Variants in KPNA3 observed in about 807,000 individuals in gnomAD.
KPNA3 encodes karyopherin subunit alpha 3.
A neutral mutation model predicts 73.8 loss-of-function variants in KPNA3; 13 were observed. The ratio of observed to expected loss-of-function variants is 0.18; its 90% CI spans 0.11 to 0.28. The LOEUF (loss-of-function observed/expected upper bound fraction) is 0.28. KPNA3 is among the 10% of genes least tolerant of loss of function. The pLI is 1.00. For missense variants in KPNA3, 360 were observed against 618.1 expected (o/e 0.58, Z 4.43); for synonymous variants, 186 against 206.9 (o/e 0.90, Z 0.87).
Position 49,786,219 on chromosome 13 carries a change from T to C in KPNA3, c.69+6219A>G, listed in dbSNP as rs146978665. Among the ~76,000 whole-genome samples, 90 of 152,320 alleles carry C rather than the reference T, an allele frequency of 5.9e-4. 1 individual carries two copies. The highest frequency in any genetic ancestry group is 1.9e-3 in the African/African-American group (77 of 41,574). On this transcript the variant is annotated intron_variant, in intron 1 of 16. Transcript: ENST00000261667. ...ATACTGAACCTTTCATTCCCAAATGTAGACTTTTTTCAGGTATATCATCTA... is the reference window on the plus strand; with the variant it reads ...ATACTGAACCTTTCATTCCCAAATGCAGACTTTTTTCAGGTATATCATCTA...
At chr13:49,719,932 G>T in intron 9 of KPNA3, 113 bp from the exon 10 acceptor site, 1 of 662,212 alleles carries the variant, frequency 1.5e-6, no homozygotes, top group Non-Finnish European at 2.6e-6. Flanking sequence ...GAAAGACAAT[G>T]TTAAATTTGT....
intron 2 of KPNA3, among the ~76,000 whole-genome samples, chr13:49,743,730 T>G (rs1954593354): frequency 6.6e-6 from 1 of 152,002 alleles, no homozygotes; most frequent in Admixed American, 6.6e-5. Context: ...ATATATAAAT[T>G]AGTAGCTTAG....
intron 6 of KPNA3, among the ~76,000 whole-genome samples, chr13:49,728,183 T>G (rs1171894895): frequency 6.8e-6 from 1 of 147,584 alleles, no homozygotes; most frequent in Non-Finnish European, 1.5e-5. Flanking sequence ...TGCAGTGAGC[T>G]GATATCGTGC....
chr13:49,705,151 G>A (rs980882360), intron 15 of KPNA3, among the ~76,000 whole-genome samples: 4 of 152,078 alleles, frequency 2.6e-5, no homozygotes, highest in Non-Finnish European at 4.4e-5. Flanking sequence ...TTGAGGTCAG[G>A]AGTTCGAGAC....
At chr13:49,731,714 T>G (rs1025204974) in intron 6 of KPNA3, among the ~76,000 whole-genome samples, 1 of 152,182 alleles carries the variant, frequency 6.6e-6, no homozygotes, top group African/African-American at 2.4e-5. Flanking sequence ...ACTTATATTC[T>G]CCCCAGTTAA....
intron 1 of KPNA3, among the ~76,000 whole-genome samples, chr13:49,755,964 T>C (rs1000025938): frequency 4.0e-5 from 6 of 151,658 alleles, no homozygotes; most frequent in East Asian, 2.0e-4. Flanking sequence ...ACATAGACAC[T>C]GAAATTAAAA....
At chr13:49,786,083 G>A (rs944450100) in intron 1 of KPNA3, among the ~76,000 whole-genome samples, 4 of 152,158 alleles carry the variant, frequency 2.6e-5, no homozygotes, top group African/African-American at 9.7e-5. Flanking sequence ...AAGTATGAGC[G>A]AGTTCATGTT....
intron 1 of KPNA3, among the ~76,000 whole-genome samples, chr13:49,753,731 CTTG>C (rs1017062213): frequency 6.6e-6 from 1 of 152,180 alleles, no homozygotes; most frequent in African/African-American, 2.4e-5. Flanking sequence ...AAACACAAAC[CTTG>C]TTGTGAACTG....
chr13:49,721,180 C>T (rs887692392), intron 9 of KPNA3, among the ~76,000 whole-genome samples: 2 of 152,004 alleles, frequency 1.3e-5, no homozygotes, highest in Non-Finnish European at 2.9e-5. Context: ...GATCATGCCA[C>T]TGCACTCCAG....
chr13:49,766,002 T>C (rs1205509687), intron 1 of KPNA3, among the ~76,000 whole-genome samples: 1 of 152,196 alleles, frequency 6.6e-6, no homozygotes, highest in Non-Finnish European at 1.5e-5. Flanking sequence ...CATTCAAAAC[T>C]GAGTTCATCA....
rs775209757 is a variant in KPNA3, at chr13:49,792,536, C to CCTGCGG, written c.-36_-31dup. On this transcript the variant is annotated 5_prime_UTR_variant, in exon 1 of 17. Coordinates refer to ENST00000261667, the MANE Select transcript of KPNA3 (RefSeq NM_002267.4). ...GCGCGCGGCTCCGGCGGCGGCTACT[C>CCTGCGG]CTGCGGCTGCGGCGGCGGCGGCGGC... 17 of 1,498,272 alleles carry CCTGCGG rather than the reference C, an allele frequency of 1.1e-5. No homozygotes were observed. The highest frequency in any genetic ancestry group is 6.3e-5 in the East Asian group (2 of 31,638). 92.8% of individuals were successfully genotyped at this position (1,498,272 alleles called of 1,614,324 possible).
chr13:49,769,315 A>G (rs1219408870), intron 1 of KPNA3, among the ~76,000 whole-genome samples: 1 of 152,216 alleles, frequency 6.6e-6, no homozygotes, highest in Non-Finnish European at 1.5e-5. Context: ...ACGCCATAAA[A>G]TTTATCCTAA....
chr13:49,713,541 A>ATTAT, intron 10 of KPNA3, among the ~76,000 whole-genome samples: 1 of 152,108 alleles, frequency 6.6e-6, no homozygotes, highest in South Asian at 2.1e-4. Context: ...AGCCTATCAC[A>ATTAT]AGGCAAAAAA....
chr13:49,726,037 T>C (rs1418037172), intron 6 of KPNA3, among the ~76,000 whole-genome samples: 1 of 152,234 alleles, frequency 6.6e-6, no homozygotes, highest in Non-Finnish European at 1.5e-5. Flanking sequence ...TAGCCAGTCA[T>C]TATTTCCCTT....
intron 1 of KPNA3, among the ~76,000 whole-genome samples, chr13:49,787,841 G>A (rs189512929): frequency 0.011 from 1,688 of 152,174 alleles, 16 homozygotes; most frequent in Middle Eastern, 0.027. Context: ...CACCATGCCC[G>A]GCTAATTTTT....
At chr13:49,736,461 A>G (rs1239076289) in intron 2 of KPNA3, among the ~76,000 whole-genome samples, 2 of 152,148 alleles carry the variant, frequency 1.3e-5, no homozygotes, top group Admixed American at 6.5e-5. Flanking sequence ...ATCTTATCAA[A>G]TAGCTGCTTT....
At position 49,777,136 on chromosome 13, in the gene KPNA3, A is replaced by C. The variant is rs368228306; in HGVS notation, c.69+15302T>G. ...AATATCCAATCCCTCTAATTATTTC[A>C]ATGCCTGTTCAGCTACCTTCCTCCA... On this transcript the variant is annotated intron_variant, in intron 1 of 16. Coordinates refer to ENST00000261667, the MANE Select transcript of KPNA3 (RefSeq NM_002267.4). Among the ~76,000 whole-genome samples, 97 of 152,302 alleles carry C rather than the reference A, an allele frequency of 6.4e-4. 2 individuals are homozygous for C. The South Asian group carries it at 0.02, about 31-fold the overall frequency.
intron 2 of KPNA3, among the ~76,000 whole-genome samples, chr13:49,737,362 G>A (rs1235845992): frequency 6.6e-6 from 1 of 152,148 alleles, no homozygotes; most frequent in Non-Finnish European, 1.5e-5. Context: ...AGCATTTGGT[G>A]TTGTCACTAC....
At chr13:49,712,780 G>A (rs1476087684) in intron 10 of KPNA3, among the ~76,000 whole-genome samples, 7 of 151,386 alleles carry the variant, frequency 4.6e-5, no homozygotes, top group Non-Finnish European at 8.8e-5. Context: ...GATAGTAAGA[G>A]AGCATTAAAA....
Sources: allele counts gnomAD v4.1 joint callset (sites outside exome capture counted in the v4.1 genomes callset), GRCh38; gene constraint gnomAD v4.1.1; transcripts MANE v1.5; gene names NCBI Gene and HGNC (gene_info 2026-07-23, HGNC 2026-07-21).